Variants in TPST1 observed in about 807,000 individuals in gnomAD.
TPST1 encodes protein-tyrosine sulfotransferase 1.
Under a neutral mutation model 34.8 loss-of-function variants are expected in TPST1, and 20 were observed. The observed-to-expected ratio is 0.57, with a 90% CI of 0.40 to 0.84. The LOEUF (loss-of-function observed/expected upper bound fraction) is 0.84. Ranked by LOEUF, TPST1 falls within the 40% of genes least tolerant of loss-of-function variation. The probability of loss-of-function intolerance (pLI) is 0.00; values close to 1 mark genes in which losing one functional copy is unlikely to be tolerated. For synonymous variants in TPST1, 152 were observed against 159.4 expected (o/e 0.95, Z 0.35); for missense variants, 353 against 455.5 (o/e 0.78, Z 2.05).
chr7:66,312,791 A>G (rs2116132482), intron 3 of TPST1, among the ~76,000 whole-genome samples: 1 of 152,308 alleles, frequency 6.6e-6, no homozygotes, highest in African/African-American at 2.4e-5. Context: ...GTACAGCAAA[A>G]GAACAGAGAT....
At chr7:66,317,723 A>G (rs1791663788) in intron 3 of TPST1, among the ~76,000 whole-genome samples, 1 of 152,018 alleles carries the variant, frequency 6.6e-6, no homozygotes, top group South Asian at 2.1e-4. Flanking sequence ...TTTTAAAACT[A>G]TATTTTCAAA....
chr7:66,313,832 T>G (rs1791581137), intron 3 of TPST1, among the ~76,000 whole-genome samples: 1 of 152,194 alleles, frequency 6.6e-6, no homozygotes, highest in South Asian at 2.1e-4. Context: ...TTGTTAGTTA[T>G]CTCAAAATGG....
Position 66,286,720 on chromosome 7 carries a change from T to C in TPST1, c.1044+11T>C. 6.8e-7 allele frequency: 1 copy of C among 1,481,210 alleles called. No individual in the cohort carries two copies. Among genetic ancestry groups the C allele is most frequent in the Non-Finnish European group, 9.0e-7 (1 of 1,108,960 alleles). 91.8% of individuals were successfully genotyped at this position (1,481,210 alleles called of 1,614,324 possible). The stretch of plus-strand genomic sequence containing the variant: ...GAAAACACTCGAAGGGTAAGTGAGA[T>C]TTTTTAAAGCAACTGAGAAAACTAG... On this transcript the variant is annotated intron_variant, in intron 3 of 5. Transcript: ENST00000304842.
chr7:66,218,481 C>T (rs571731033), intron 1 of TPST1, among the ~76,000 whole-genome samples: 1 of 152,230 alleles, frequency 6.6e-6, no homozygotes, highest in African/African-American at 2.4e-5. Flanking sequence ...CATGGTTGTA[C>T]ATGTGATATG....
rs561967019 is a variant in TPST1, at chr7:66,303,775, AT to A, written c.1044+17070del. The stretch of plus-strand genomic sequence containing the variant: ...TTTCAAGGACAAAGATATCATTTGC[AT>A]TTTGTAGCCTGAGTGCCAGTAATAC... On this transcript the variant is annotated intron_variant, in intron 3 of 5. Transcript: ENST00000304842. 8.4e-4 allele frequency among the ~76,000 whole-genome samples: 128 copies of A among 152,352 alleles called. 1 individual carries two copies. The South Asian group carries it at 0.013, about 15-fold the overall frequency.
chr7:66,214,283 A>G (rs1789339804), intron 1 of TPST1, among the ~76,000 whole-genome samples: 1 of 151,836 alleles, frequency 6.6e-6, no homozygotes, highest in African/African-American at 2.4e-5. Flanking sequence ...TTGAGCACAT[A>G]ATAAAGACAA....
At chr7:66,236,734 C>T (rs1402779201) in intron 1 of TPST1, among the ~76,000 whole-genome samples, 10 of 152,204 alleles carry the variant, frequency 6.6e-5, no homozygotes, top group Admixed American at 6.5e-4. Context: ...TGATACCTGT[C>T]TTAGGTTTTG....
chr7:66,240,059 A>ATT (rs57181788), intron 1 of TPST1, among the ~76,000 whole-genome samples: 4 of 149,560 alleles, frequency 2.7e-5, no homozygotes, highest in African/African-American at 4.9e-5. Context: ...TTTTTTTTGT[A>ATT]TTTTTTTTTA....
chr7:66,204,726 T>C (rs1789085422), upstream of TPST1, among the ~76,000 whole-genome samples: 1 of 152,264 alleles, frequency 6.6e-6, no homozygotes, highest in Non-Finnish European at 1.5e-5. Flanking sequence ...TAGTTTTCAT[T>C]TCTTTCTTTT....
chr7:66,238,575 T>G (rs546047320), intron 1 of TPST1, among the ~76,000 whole-genome samples: 1 of 152,298 alleles, frequency 6.6e-6, no homozygotes, highest in Non-Finnish European at 1.5e-5. Flanking sequence ...TATGTTGTAG[T>G]TCTTTTCCAG....
rs536339488 is a variant in TPST1, at chr7:66,355,772, G to A, written c.1096-1053G>A. ...CAAAAAAAATTAGCTGGGTGTGGTG[G>A]CACACACCTATAATCCCAGCTGCTC... On this transcript the variant is annotated intron_variant, in intron 4 of 5. Transcript: ENST00000304842. Among the ~76,000 whole-genome samples the A allele has an allele frequency of 1.3e-4, 19 of 151,784 alleles. 1 individual carries two copies. The East Asian group carries it at 3.1e-3, about 25-fold the overall frequency.
intron 2 of TPST1, among the ~76,000 whole-genome samples, chr7:66,277,981 T>C (rs1026616826): frequency 1.3e-5 from 2 of 151,766 alleles, no homozygotes; most frequent in African/African-American, 2.4e-5. Flanking sequence ...GTGCCTGTAA[T>C]CCCAGCTACT....
intron 2 of TPST1, among the ~76,000 whole-genome samples, chr7:66,270,464 T>A (rs150488011): frequency 4.7e-4 from 71 of 152,338 alleles, no homozygotes; most frequent in Non-Finnish European, 9.4e-4. Context: ...TTTTGGCACC[T>A]TTAGAAATCA....
chr7:66,310,231 A>AGC (rs1791504010), intron 3 of TPST1, among the ~76,000 whole-genome samples: 1 of 152,340 alleles, frequency 6.6e-6, no homozygotes, highest in Admixed American at 6.5e-5. Context: ...TTCTGAGAAA[A>AGC]TAAAGAATTG....
chr7:66,245,162 G>T (rs1790121565), intron 2 of TPST1, among the ~76,000 whole-genome samples: 2 of 152,156 alleles, frequency 1.3e-5, no homozygotes, highest in East Asian at 3.8e-4. Context: ...ATTTAGTTTT[G>T]TTAAAGAAAA....
In TPST1 at chr7:66,352,495, GT is replaced by G; in HGVS notation, c.1045-5del. ...GTTGCCTTAAACTCACGCCTGCTTT[GT>G]TTTTCCAGGTCTATAAGGGAGAATT... On this transcript the variant is annotated splice_polypyrimidine_tract_variant and intron_variant, in intron 3 of 5. Coordinates refer to ENST00000304842, the MANE Select transcript of TPST1 (RefSeq NM_003596.4). 1 of 1,611,352 alleles carries G rather than the reference GT, an allele frequency of 6.2e-7. No individual in the cohort carries two copies. Among genetic ancestry groups the G allele is most frequent in the Non-Finnish European group, 8.5e-7 (1 of 1,179,460 alleles).
the TPST1 span, among the ~76,000 whole-genome samples, chr7:66,199,050 C>A: frequency 6.6e-6 from 1 of 152,274 alleles, no homozygotes; most frequent in East Asian, 1.9e-4. Flanking sequence ...CGTCAAAGAT[C>A]TTTGGCTCTG....
intron 1 of TPST1, among the ~76,000 whole-genome samples, chr7:66,239,226 C>T (rs1584163391): frequency 6.6e-6 from 1 of 152,156 alleles, no homozygotes; most frequent in Non-Finnish European, 1.5e-5. Flanking sequence ...AATGATCCTC[C>T]CATCTCGGTC....
chr7:66,219,761 A>T (rs1789500667), intron 1 of TPST1, among the ~76,000 whole-genome samples: 1 of 152,238 alleles, frequency 6.6e-6, no homozygotes, highest in Non-Finnish European at 1.5e-5. Context: ...CCTAATAATG[A>T]CTGGGACGTA....
Sources: allele counts gnomAD v4.1 joint callset (sites outside exome capture counted in the v4.1 genomes callset), GRCh38; gene constraint gnomAD v4.1.1; transcripts MANE v1.5; gene names NCBI Gene and HGNC (gene_info 2026-07-23, HGNC 2026-07-21).